The following EPHB1 variants were observed in gnomAD, a reference collection of about 807,000 sequenced individuals.
The protein encoded by EPHB1 is ephrin type-B receptor 1.
A neutral mutation model predicts 94.4 loss-of-function variants in EPHB1; 30 were observed. The observed-to-expected ratio is 0.32, with a 90% CI of 0.24 to 0.43. The LOEUF (loss-of-function observed/expected upper bound fraction) is 0.43. EPHB1 is among the 20% of genes least tolerant of loss of function. The probability of loss-of-function intolerance (pLI) is 1.00; values close to 1 mark genes in which losing one functional copy is unlikely to be tolerated. For synonymous variants in EPHB1, 522 were observed against 489.1 expected (o/e 1.07, Z -0.89); for missense variants, 1,055 against 1,308.3 (o/e 0.81, Z 2.99).
chr3:134,800,391 G>A (rs910467449), intron 1 of EPHB1, among the ~76,000 whole-genome samples: 2 of 152,206 alleles, frequency 1.3e-5, no homozygotes, highest in African/African-American at 4.8e-5. Context: ...GCTTAGATGT[G>A]TAGTGTTTTT....
intron 1 of EPHB1, among the ~76,000 whole-genome samples, chr3:134,923,313 A>G (rs1175951914): frequency 2.0e-5 from 3 of 152,106 alleles, no homozygotes; most frequent in African/African-American, 7.2e-5. Flanking sequence ...TATCTGGGTT[A>G]CAGGTAGGCC....
intron 1 of EPHB1, among the ~76,000 whole-genome samples, chr3:134,905,287 C>T (rs186927367): frequency 3.4e-4 from 52 of 152,344 alleles, no homozygotes; most frequent in African/African-American, 1.2e-3. Flanking sequence ...GAGCCTCTCT[C>T]TGAAGCCGAC....
chr3:135,243,548 C>T (rs943618096), intron 13 of EPHB1, among the ~76,000 whole-genome samples: 1 of 152,178 alleles, frequency 6.6e-6, no homozygotes, highest in Admixed American at 6.5e-5. Flanking sequence ...TTTTGCTCCT[C>T]GTGGGAGGCA....
chr3:135,187,626 C>A (rs1301219554), intron 10 of EPHB1, among the ~76,000 whole-genome samples: 1 of 152,124 alleles, frequency 6.6e-6, no homozygotes, highest in African/African-American at 2.4e-5. Context: ...TAGCAATACG[C>A]CCATCGACTC....
chr3:134,846,098 G>A (rs1560259886), intron 1 of EPHB1, among the ~76,000 whole-genome samples: 1 of 152,220 alleles, frequency 6.6e-6, no homozygotes. Context: ...TCAGTATGGT[G>A]TTGCATCCTT....
chr3:135,150,675 GC>G (rs1200242788), intron 5 of EPHB1, among the ~76,000 whole-genome samples: 1 of 151,898 alleles, frequency 6.6e-6, no homozygotes, highest in African/African-American at 2.4e-5. Context: ...TCCTTCTCAG[GC>G]CTCTTTAGTG....
intron 12 of EPHB1, among the ~76,000 whole-genome samples, chr3:135,236,491 C>G (rs909833956): frequency 6.6e-6 from 1 of 152,138 alleles, no homozygotes; most frequent in South Asian, 2.1e-4. Flanking sequence ...CAATACACAA[C>G]ATTCAATAAT....
chr3:134,847,615 GC>G (rs1405882564), intron 1 of EPHB1, among the ~76,000 whole-genome samples: 1 of 152,182 alleles, frequency 6.6e-6, no homozygotes, highest in African/African-American at 2.4e-5. Flanking sequence ...CTGTTGGTCT[GC>G]CCCAAGATGA....
chr3:135,056,722 C>A (rs1473403021), intron 3 of EPHB1, among the ~76,000 whole-genome samples: 1 of 152,270 alleles, frequency 6.6e-6, no homozygotes, highest in Non-Finnish European at 1.5e-5. Context: ...GTATTTTCCA[C>A]ACAAAGATGC....
chr3:134,946,196 A>T (rs1023612713), intron 2 of EPHB1, among the ~76,000 whole-genome samples: 3 of 152,206 alleles, frequency 2.0e-5, no homozygotes, highest in Admixed American at 1.3e-4. Flanking sequence ...CCATACACTC[A>T]GGCTGCTCTC....
chr3:135,182,747 TAAG>T (rs918242985), intron 10 of EPHB1, among the ~76,000 whole-genome samples: 44 of 152,212 alleles, frequency 2.9e-4, no homozygotes, highest in South Asian at 2.1e-4. Flanking sequence ...CTAAATGATT[TAAG>T]AAGGATAATG....
At chr3:135,108,996 T>C (rs1453671669) in intron 4 of EPHB1, among the ~76,000 whole-genome samples, 1 of 151,770 alleles carries the variant, frequency 6.6e-6, no homozygotes, top group Non-Finnish European at 1.5e-5. Flanking sequence ...GAAAAGACAA[T>C]GGGAGGGAAC....
At chr3:135,050,480 C>T (rs1352956586) in intron 3 of EPHB1, among the ~76,000 whole-genome samples, 1 of 152,180 alleles carries the variant, frequency 6.6e-6, no homozygotes, top group Non-Finnish European at 1.5e-5. Flanking sequence ...TCCTGGTGCT[C>T]ATCCTCTTCG....
chr3:134,837,783 G>C (rs777500256), intron 1 of EPHB1, among the ~76,000 whole-genome samples: 3 of 152,256 alleles, frequency 2.0e-5, no homozygotes, highest in Non-Finnish European at 2.9e-5. Context: ...GGGGCTATTT[G>C]GTGGAATTTT....
At chr3:135,159,028 T>C (rs1405624193) in intron 6 of EPHB1, among the ~76,000 whole-genome samples, 1 of 152,216 alleles carries the variant, frequency 6.6e-6, no homozygotes, top group East Asian at 1.9e-4. Context: ...TTTATTCATT[T>C]GGCATTGAGT....
intron 5 of EPHB1, among the ~76,000 whole-genome samples, chr3:135,139,165 G>T (rs1228869957): frequency 6.6e-6 from 1 of 152,230 alleles, no homozygotes; most frequent in Non-Finnish European, 1.5e-5. Flanking sequence ...GAGTGGTGAT[G>T]AGAATGTGTC....
intron 3 of EPHB1, among the ~76,000 whole-genome samples, chr3:135,036,368 A>G (rs886535271): frequency 6.6e-6 from 1 of 152,164 alleles, no homozygotes; most frequent in Non-Finnish European, 1.5e-5. Context: ...GAATTGGCAT[A>G]TACCCATCCA....
Position 134,795,369 on chromosome 3 carries a change from C to G in EPHB1, c.-263C>G. On this transcript the variant is annotated 5_prime_UTR_variant, in exon 1 of 16. Transcript: ENST00000398015. ...AGGCTCGTTCTCCCTCGCCCTCTCTCTCTCACACACGCACGCACACACCCA... is the reference window on the plus strand; with the variant it reads ...AGGCTCGTTCTCCCTCGCCCTCTCTGTCTCACACACGCACGCACACACCCA... The G allele has an allele frequency of 2.0e-6, 1 of 511,628 alleles. No individual in the cohort carries two copies. Among genetic ancestry groups the G allele is most frequent in the Admixed American group, 4.2e-5 (1 of 23,972 alleles). 31.7% of individuals were successfully genotyped at this position (511,628 alleles called of 1,614,324 possible). A position where few individuals can be genotyped will look rare whatever the true frequency, so the allele number is the denominator to read the frequency against.
At position 135,167,668 on chromosome 3, in the gene EPHB1, G is replaced by C. The variant is rs6786445; in HGVS notation, c.1759+662G>C. ...GACAACATTGCAGGATCTGAGAAAG[G>C]TCTCTCTAGGTCATTTGGGCCACCT... On this transcript the variant is annotated intron_variant, in intron 9 of 15. Transcript: ENST00000398015. Among the ~76,000 whole-genome samples, 654 of 152,270 alleles carry C rather than the reference G, an allele frequency of 4.3e-3. 4 individuals are homozygous for C. The highest frequency in any genetic ancestry group is 0.015 in the African/African-American group (617 of 41,552).
Sources: allele counts gnomAD v4.1 joint callset (sites outside exome capture counted in the v4.1 genomes callset), GRCh38; gene constraint gnomAD v4.1.1; transcripts MANE v1.5; gene names NCBI Gene and HGNC (gene_info 2026-07-23, HGNC 2026-07-21).